TTC4: variants seen among roughly 807,000 people sequenced by gnomAD.
The protein encoded by TTC4 is tetratricopeptide repeat domain 4.
Under a neutral mutation model 51.9 loss-of-function variants are expected in TTC4, and 36 were observed. That is an observed-to-expected ratio of 0.69 (90% CI 0.53 to 0.92). The LOEUF (loss-of-function observed/expected upper bound fraction) is 0.92, where lower values mean the gene tolerates loss of function less well. TTC4 is among the 40% of genes least tolerant of loss of function. The pLI is 0.00. For missense variants in TTC4, 399 were observed against 454.6 expected, an observed-to-expected ratio of 0.88 and a Z score of 1.11; for synonymous variants, 144 against 164.2, an observed-to-expected ratio of 0.88 and a Z score of 0.94.
Position 54,741,613 on chromosome 1 carries a change from T to G in TTC4, c.*100T>G. On this transcript the variant is annotated 3_prime_UTR_variant, in exon 10 of 10. Transcript: ENST00000371281. ...TACTGCTGGAGTCCAGTGCTTTCTT[T>G]CCGTCACCCTGGGGATAGTCCTTCC... 9.9e-7 allele frequency: 1 copy of G among 1,012,074 alleles called. No individual in the cohort carries two copies. Among genetic ancestry groups the G allele is most frequent in the Non-Finnish European group, 1.5e-6 (1 of 650,952 alleles). The allele number at this position is 1,012,074 out of a possible 1,614,324, so 62.7% of individuals were successfully genotyped here. A position where few individuals can be genotyped will look rare whatever the true frequency, so the allele number is the denominator to read the frequency against.
chr1:54,717,532 T>C lies in TTC4; in HGVS notation c.270T>C (p.Phe90=). 2 of 1,609,106 alleles carry C rather than the reference T, an allele frequency of 1.2e-6. No individual in the cohort carries two copies. The highest frequency in any genetic ancestry group is 1.1e-5 in the South Asian group (1 of 89,900). The change falls in exon 3 of 10, where the codon TTT becomes TTC. Residue 90 remains phenylalanine, a synonymous_variant. Transcript: ENST00000371281. ...KTYKDEGNDY[F]KEKDYKKAVI... ...ATAAAGATGAGGGCAATGATTACTT[T>C]AAAGAAAAAGACTACAAGAAAGCTG...
chr1:54,727,654 C>T (rs1178601026), intron 5 of TTC4, among the ~76,000 whole-genome samples: 1 of 143,836 alleles, frequency 7.0e-6, no homozygotes, highest in Non-Finnish European at 1.5e-5. Context: ...GAATTCGAGA[C>T]CAACCTGGGC....
chr1:54,727,987 A>G (rs1570047629), intron 5 of TTC4, among the ~76,000 whole-genome samples: 1 of 152,204 alleles, frequency 6.6e-6, no homozygotes, highest in East Asian at 1.9e-4. Context: ...AAAAAAATCT[A>G]TAGAGACAGG....
chr1:54,724,654 G>A (rs1455255827), intron 5 of TTC4, among the ~76,000 whole-genome samples: 1 of 152,044 alleles, frequency 6.6e-6, no homozygotes, highest in Admixed American at 6.5e-5. Context: ...CCTACTAACA[G>A]CTTCAAAATG....
In TTC4 at chr1:54,717,576, G is replaced by T; in HGVS notation, c.314G>T (p.Gly105Val). ...AAAGCTGTAATTTCATACACTGAAG[G>T]CTTAAAGAAGAAATGTGCAGATCCT... is the stretch of plus-strand genomic sequence containing the variant. ...YKKAVISYTE[G>V]LKKKCADPDL... is the part of the protein sequence containing the mutation. The change falls in exon 3 of 10, where the codon GGC becomes GTC. Residue 105 changes from glycine (G) to valine (V), a missense_variant. Around this residue, in one of 3 missense-constraint regions of TTC4, gnomAD observed 316 missense variants for 349.6 expected, o/e 0.90. Transcript: ENST00000371281. The T allele has an allele frequency of 6.2e-7, 1 of 1,612,064 alleles. No homozygotes were observed. The highest frequency in any genetic ancestry group is 8.5e-7 in the Non-Finnish European group (1 of 1,179,226).
chr1:54,729,620 T>G (rs1336446143), intron 6 of TTC4, among the ~76,000 whole-genome samples: 5 of 152,182 alleles, frequency 3.3e-5, no homozygotes. Flanking sequence ...GAAATATATA[T>G]AGTCTGACCC....
At chr1:54,726,200 C>T (rs1645797145) in intron 5 of TTC4, among the ~76,000 whole-genome samples, 1 of 152,016 alleles carries the variant, frequency 6.6e-6, no homozygotes, top group African/African-American at 2.4e-5. Flanking sequence ...AAGAAGAGAA[C>T]CTTAAAAGCA....
chr1:54,740,171 C>T (rs996631705), intron 9 of TTC4, among the ~76,000 whole-genome samples: 3 of 151,982 alleles, frequency 2.0e-5, no homozygotes, highest in African/African-American at 7.3e-5. Context: ...AGACCCCCTC[C>T]TCCCACTACC....
intron 3 of TTC4, among the ~76,000 whole-genome samples, chr1:54,719,310 A>G (rs1474444677): frequency 6.6e-6 from 1 of 152,224 alleles, no homozygotes; most frequent in Admixed American, 6.5e-5. Context: ...AGTACTTTGT[A>G]GTTTCTGCAG....
At chr1:54,738,526 G>C (rs549737309) in intron 9 of TTC4, among the ~76,000 whole-genome samples, 20 of 152,260 alleles carry the variant, frequency 1.3e-4, no homozygotes, top group African/African-American at 4.8e-4. Context: ...CTCAGCCATT[G>C]GTCAAACAGG....
intron 5 of TTC4, among the ~76,000 whole-genome samples, chr1:54,724,227 A>C (rs1645775368): frequency 6.6e-6 from 1 of 152,116 alleles, no homozygotes; most frequent in African/African-American, 2.4e-5. Flanking sequence ...AGTAGACTTC[A>C]AGGCAGCAAG....
intron 2 of TTC4, among the ~76,000 whole-genome samples, 200 bp downstream of exon 2, chr1:54,716,917 A>G (rs1570027017): frequency 6.6e-6 from 1 of 152,322 alleles, no homozygotes; most frequent in Middle Eastern, 3.4e-3. Context: ...TCCACCCTCC[A>G]AGGTCAGGCT....
chr1:54,718,376 G>A (rs189849547), intron 3 of TTC4, among the ~76,000 whole-genome samples: 20 of 152,266 alleles, frequency 1.3e-4, no homozygotes, highest in Non-Finnish European at 2.6e-4. Context: ...TTGCTTGGAT[G>A]AGGAATTTTA....
In TTC4 at chr1:54,731,599, G is replaced by A; in HGVS notation, c.795G>A (p.Arg265=). The change falls in exon 7 of 10, where the codon AGG becomes AGA. Residue 265 remains arginine, a synonymous_variant. Coordinates refer to ENST00000371281, the MANE Select transcript of TTC4 (RefSeq NM_004623.5). ...GLSTENPHGA[R]LSLDGQGRLS... ...GCACTGAGAACCCCCATGGAGCCAG[G>A]CTGAGTCTAGATGGCCAGGGCAGGC... 1.2e-6 allele frequency: 2 copies of A among 1,614,104 alleles called. No individual in the cohort carries two copies. The highest frequency in any genetic ancestry group is 1.1e-5 in the South Asian group (1 of 91,074).
chr1:54,730,768 A>C (rs1224118577), intron 6 of TTC4, among the ~76,000 whole-genome samples: 1 of 151,538 alleles, frequency 6.6e-6, no homozygotes, highest in Admixed American at 6.6e-5. Context: ...CCATGTCCCA[A>C]CTAAACTGAA....
At chr1:54,739,011 CTTTT>C (rs112012461) in intron 9 of TTC4, among the ~76,000 whole-genome samples, 3,069 of 150,782 alleles carry the variant, frequency 0.02, 106 homozygotes, top group African/African-American at 0.072. Flanking sequence ...GATGCTCTTT[CTTTT>C]GTTTGCTTTT....
chr1:54,717,431 C>T, intron 2 of TTC4, 61 bp from the exon 3 acceptor site: 1 of 1,382,024 alleles, frequency 7.2e-7, no homozygotes, highest in South Asian at 1.9e-5. Flanking sequence ...GATTTAGAAT[C>T]TATTTTTAAT....
intron 6 of TTC4, among the ~76,000 whole-genome samples, chr1:54,731,272 T>C (rs1161888828): frequency 2.0e-5 from 3 of 152,080 alleles, no homozygotes; most frequent in Admixed American, 1.3e-4. Context: ...TCCATGTTCA[T>C]TCAGGGTACA....
chr1:54,738,685 T>C (rs1276787144), intron 9 of TTC4, among the ~76,000 whole-genome samples: 3 of 137,998 alleles, frequency 2.2e-5, no homozygotes, highest in South Asian at 5.0e-4. Context: ...TGAGACGACA[T>C]CTCGCTCTGT....
Sources: allele counts gnomAD v4.1 joint callset (sites outside exome capture counted in the v4.1 genomes callset), GRCh38; gene constraint gnomAD v4.1.1; regional missense constraint gnomAD v4.1.1; transcripts MANE v1.5; gene names NCBI Gene and HGNC (gene_info 2026-07-23, HGNC 2026-07-21).